The following GPC5 variants were observed in gnomAD, a reference collection of about 807,000 sequenced individuals.
GPC5 encodes the protein glypican 5, also known as glypican-5.
In GPC5, 47 loss-of-function variants were observed where a neutral mutation model predicts 53.9. The observed-to-expected ratio is 0.87, with a 90% CI of 0.69 to 1.11. The LOEUF (loss-of-function observed/expected upper bound fraction) is 1.11, where lower values mean the gene tolerates loss of function less well. Among genes scored for constraint, GPC5 ranks in the 50% most tolerant of loss-of-function variants. GPC5 has a pLI of 0.00. For synonymous variants in GPC5, 286 were observed against 263.3 expected, an observed-to-expected ratio of 1.09 and a Z score of -0.84; for missense variants, 748 against 713.1, an observed-to-expected ratio of 1.05 and a Z score of -0.56.
intron 5 of GPC5, among the ~76,000 whole-genome samples, chr13:91,819,073 A>C (rs1318923673): frequency 6.6e-6 from 1 of 151,880 alleles, no homozygotes; most frequent in Admixed American, 6.6e-5. Flanking sequence ...CCAGACTGCA[A>C]ACTCCTGTTT....
At position 92,307,677 on chromosome 13, in the gene GPC5, T is replaced by C. The variant is rs1296723685; in HGVS notation, c.1561+162688T>C. Among the ~76,000 whole-genome samples, 6 of 152,204 alleles carry C rather than the reference T, an allele frequency of 3.9e-5. No homozygotes were observed. The East Asian group carries it at 9.6e-4, about 24-fold the overall frequency. On this transcript the variant is annotated intron_variant, in intron 7 of 7. Transcript: ENST00000377067. ...AAAAGTCATAAAGAATGAAAGCTAC[T>C]TCTCTCTCATCTGCCCTGCAACAAA... is the stretch of plus-strand genomic sequence containing the variant.
At chr13:92,525,092 C>G (rs1044468434) in intron 7 of GPC5, among the ~76,000 whole-genome samples, 2 of 152,034 alleles carry the variant, frequency 1.3e-5, no homozygotes, top group Non-Finnish European at 2.9e-5. Flanking sequence ...GACTGAAAGG[C>G]CATACCATCG....
chr13:92,622,036 C>T (rs1269489102), intron 7 of GPC5, among the ~76,000 whole-genome samples: 1 of 152,180 alleles, frequency 6.6e-6, no homozygotes, highest in Non-Finnish European at 1.5e-5. Flanking sequence ...CTCATTCCCC[C>T]TCCATGTCCA....
intron 2 of GPC5, among the ~76,000 whole-genome samples, chr13:91,636,758 C>T (rs2034294595): frequency 6.6e-6 from 1 of 151,840 alleles, no homozygotes; most frequent in Non-Finnish European, 1.5e-5. Context: ...AGTTGGAGAC[C>T]ATCCTGGACA....
chr13:91,756,501 TCTTAA>T, intron 5 of GPC5, 81 bp downstream of exon 5: 1 of 1,238,450 alleles, frequency 8.1e-7, no homozygotes, highest in Non-Finnish European at 1.1e-6. Flanking sequence ...ATTAATTCAG[TCTTAA>T]CTTTGTCACA....
At chr13:92,378,677 T>C (rs1183573098) in intron 7 of GPC5, among the ~76,000 whole-genome samples, 1 of 152,246 alleles carries the variant, frequency 6.6e-6, no homozygotes, top group Non-Finnish European at 1.5e-5. Flanking sequence ...GTTTTAATGA[T>C]ATATGAAATG....
chr13:91,622,349 G>T (rs2033884122), intron 2 of GPC5, among the ~76,000 whole-genome samples: 1 of 152,102 alleles, frequency 6.6e-6, no homozygotes, highest in African/African-American at 2.4e-5. Context: ...GCAACTGCAT[G>T]TGTAAGTCTA....
At position 92,385,423 on chromosome 13, in the gene GPC5, TATATAC is replaced by T. The variant is rs1418069455; in HGVS notation, c.1561+240440_1561+240445del. ...ACACATATATACACATATATATACA[TATATAC>T]ATATATACATATATACATATATACA... On this transcript the variant is annotated intron_variant, in intron 7 of 7. Coordinates refer to ENST00000377067, the MANE Select transcript of GPC5 (RefSeq NM_004466.6). Among the ~76,000 whole-genome samples, 57 of 71,950 alleles carry T rather than the reference TATATAC, an allele frequency of 7.9e-4. 2 individuals carry two copies. The highest frequency in any genetic ancestry group is 2.5e-3 in the African/African-American group (46 of 18,060). 47.2% of individuals were successfully genotyped at this position (71,950 alleles called of 152,430 possible). A position where few individuals can be genotyped will look rare whatever the true frequency, so the allele number is the denominator to read the frequency against.
intron 5 of GPC5, among the ~76,000 whole-genome samples, chr13:91,842,102 A>G (rs547311873): frequency 1.3e-5 from 2 of 152,272 alleles, no homozygotes; most frequent in African/African-American, 4.8e-5. Context: ...TAAGTCTTAC[A>G]GAATTAAACC....
At chr13:92,859,613 A>G (rs1316494535) in intron 7 of GPC5, among the ~76,000 whole-genome samples, 1 of 152,090 alleles carries the variant, frequency 6.6e-6, no homozygotes, top group Non-Finnish European at 1.5e-5. Flanking sequence ...GTAAATTCTT[A>G]TCACTAAGAA....
chr13:92,018,346 T>A (rs1191044418), intron 6 of GPC5, among the ~76,000 whole-genome samples: 1 of 152,134 alleles, frequency 6.6e-6, no homozygotes, highest in Non-Finnish European at 1.5e-5. Context: ...AAAAGTTTAG[T>A]TTAATGGCTT....
chr13:91,476,989 C>A (rs1277622806), intron 2 of GPC5, among the ~76,000 whole-genome samples: 1 of 152,102 alleles, frequency 6.6e-6, no homozygotes, highest in Non-Finnish European at 1.5e-5. Flanking sequence ...AAATTTTAAA[C>A]AGAGAAATTA....
At chr13:92,637,682 C>G (rs545433660) in intron 7 of GPC5, among the ~76,000 whole-genome samples, 1 of 151,982 alleles carries the variant, frequency 6.6e-6, no homozygotes, top group Non-Finnish European at 1.5e-5. Context: ...CTTAACTATT[C>G]GGCACAAAAT....
chr13:91,635,617 C>T (rs1369450112), intron 2 of GPC5, among the ~76,000 whole-genome samples: 1 of 152,034 alleles, frequency 6.6e-6, no homozygotes, highest in Non-Finnish European at 1.5e-5. Flanking sequence ...ACACTGATAT[C>T]TTTAAATTAC....
At chr13:92,061,668 A>G (rs1209603844) in intron 6 of GPC5, among the ~76,000 whole-genome samples, 3 of 152,018 alleles carry the variant, frequency 2.0e-5, no homozygotes, top group Admixed American at 6.5e-5. Context: ...TCTGCTGTAA[A>G]TGGACTCTAT....
intron 2 of GPC5, among the ~76,000 whole-genome samples, chr13:91,598,999 C>T (rs1277450588): frequency 6.6e-6 from 1 of 151,946 alleles, no homozygotes; most frequent in Non-Finnish European, 1.5e-5. Flanking sequence ...TCTACAAGTG[C>T]CAAAGGTTAT....
chr13:91,880,663 A>G (rs950627604), intron 5 of GPC5, among the ~76,000 whole-genome samples: 6 of 152,234 alleles, frequency 3.9e-5, no homozygotes, highest in African/African-American at 1.4e-4. Context: ...AGTGAAAATT[A>G]CTTTTTATAT....
intron 6 of GPC5, among the ~76,000 whole-genome samples, chr13:92,025,459 T>G (rs910121174): frequency 1.3e-5 from 2 of 152,190 alleles, no homozygotes; most frequent in Admixed American, 6.5e-5. Flanking sequence ...GCCCAGCTGA[T>G]GGAGAAAGTC....
intron 2 of GPC5, among the ~76,000 whole-genome samples, chr13:91,523,101 G>A (rs1242188267): frequency 6.6e-6 from 1 of 152,174 alleles, no homozygotes; most frequent in Non-Finnish European, 1.5e-5. Context: ...ACAAGTGTTG[G>A]CCAGGAGATG....
Sources: gnomAD v4.1 joint callset for allele counts (sites outside exome capture counted in the v4.1 genomes callset) on GRCh38, gnomAD v4.1.1 for gene constraint, MANE v1.5 for transcripts, NCBI Gene and HGNC (gene_info 2026-07-23, HGNC 2026-07-21) for gene names.